The following NARS2 variants were observed in gnomAD, a reference collection of about 807,000 sequenced individuals.
NARS2 encodes the protein asparaginyl-tRNA synthetase.
In NARS2, 60 loss-of-function variants were observed where a neutral mutation model predicts 62.9. That is an observed-to-expected ratio of 0.95 (90% CI 0.77 to 1.18). The LOEUF (loss-of-function observed/expected upper bound fraction) is 1.18, where lower values mean the gene tolerates loss of function less well. NARS2 is among the 50% of genes most tolerant of loss of function. The pLI is 0.00. For synonymous variants in NARS2, 196 were observed against 200.0 expected (o/e 0.98, Z 0.17); for missense variants, 619 against 576.4 (o/e 1.07, Z -0.76).
rs1363650527 is a variant in NARS2 at position 78,574,786 on chromosome 11, C to G, written c.-298G>C. ...CCCACTACCCGCGACAATTGTAAAC[C>G]TACGAACAGAACCCGGGCCGCAACA... On this transcript the variant is annotated 5_prime_UTR_variant, in exon 1 of 14. Transcript: ENST00000281038. The G allele has an allele frequency of 2.7e-6, 1 of 374,778 alleles. No homozygotes were observed. The highest frequency in any genetic ancestry group is 4.9e-6 in the Non-Finnish European group (1 of 206,074). 23.2% of individuals were successfully genotyped at this position (374,778 alleles called of 1,614,324 possible).
intron 6 of NARS2, among the ~76,000 whole-genome samples, chr11:78,503,284 C>A (rs1184778219): frequency 6.6e-6 from 1 of 152,192 alleles, no homozygotes; most frequent in Non-Finnish European, 1.5e-5. Flanking sequence ...TTCACCCAGA[C>A]TGGAGTGCAG....
intron 7 of NARS2, among the ~76,000 whole-genome samples, chr11:78,490,996 A>G (rs1050743214): frequency 2.0e-5 from 3 of 152,190 alleles, no homozygotes; most frequent in Non-Finnish European, 4.4e-5. Context: ...AAAATAAACG[A>G]TATCTTGCAA....
At chr11:78,471,597 A>ATATG (rs1858877912) in intron 9 of NARS2, among the ~76,000 whole-genome samples, 1 of 151,588 alleles carries the variant, frequency 6.6e-6, no homozygotes, top group African/African-American at 2.4e-5. Context: ...GGTTAGTTAC[A>ATATG]TATGTATACA....
At chr11:78,480,137 C>A (rs1859283519) in intron 7 of NARS2, among the ~76,000 whole-genome samples, 1 of 152,110 alleles carries the variant, frequency 6.6e-6, no homozygotes, top group Non-Finnish European at 1.5e-5. Flanking sequence ...TAAGCTCAAG[C>A]GATCCTCCCT....
Position 78,466,001 on chromosome 11 carries a change from G to A in NARS2, c.1039C>T (p.Leu347=). 1 of 1,607,194 alleles carries A rather than the reference G, an allele frequency of 6.2e-7. No individual in the cohort carries two copies. Among genetic ancestry groups the A allele is most frequent in the Non-Finnish European group, 8.5e-7 (1 of 1,177,228 alleles). ...AGGTACTTTTCATGTTCAGTCCGTA[G>A]GTCAGCACCCCACTGTAATGAGAAG... ...FTFTPEWGAD[L]RTEHEKYLVK... Residue 347 remains leucine, a synonymous_variant, in exon 11 of 14, where the codon CTA becomes TTA. Transcript: ENST00000281038.
intron 4 of NARS2, among the ~76,000 whole-genome samples, chr11:78,561,319 A>G (rs1856549388): frequency 6.6e-6 from 1 of 152,232 alleles, no homozygotes; most frequent in Admixed American, 6.5e-5. Flanking sequence ...GAGTAAAAAG[A>G]ATAAAAGGAA....
At chr11:78,554,508 C>CATGTGTGTGTGTGTGTGT (rs1555041423) in intron 5 of NARS2, among the ~76,000 whole-genome samples, 10 of 147,016 alleles carry the variant, frequency 6.8e-5, no homozygotes, top group African/African-American at 2.3e-4. Flanking sequence ...GGCGTGTGTG[C>CATGTGTGTGTGTGTGTGT]GTGTGTGTGT....
chr11:78,566,377 T>C (rs745634573), intron 3 of NARS2, 105 bp from the exon 4 acceptor site: 195 of 858,306 alleles, frequency 2.3e-4, no homozygotes, highest in South Asian at 6.3e-4. Flanking sequence ...CAAACTAAGA[T>C]CCTTTCCTTC....
intron 6 of NARS2, among the ~76,000 whole-genome samples, chr11:78,501,306 T>C (rs1482352395): frequency 6.6e-6 from 1 of 152,198 alleles, no homozygotes. Context: ...TGTTGCACTA[T>C]CACATGCCAT....
At chr11:78,541,332 A>G (rs926997797) in intron 5 of NARS2, among the ~76,000 whole-genome samples, 1 of 147,260 alleles carries the variant, frequency 6.8e-6, no homozygotes, top group Admixed American at 6.7e-5. Context: ...AAGTCATGTC[A>G]CTTTTTTTTT....
rs118122555 is a variant in NARS2 at position 78,457,783 on chromosome 11, T to C, written c.1164+8093A>G. Among the ~76,000 whole-genome samples, 844 of 146,834 alleles carry C rather than the reference T, an allele frequency of 5.7e-3. 1 individual carries two copies. The highest frequency in any genetic ancestry group is 9.6e-3 in the Non-Finnish European group (647 of 67,620). On this transcript the variant is annotated intron_variant, in intron 11 of 13. Transcript: ENST00000281038. ...GAGAACTACCTTTTAAGGAATCTTA[T>C]GTTATTATGTAACAACACACACACA...
At chr11:78,552,646 T>A (rs1856170281) in intron 5 of NARS2, among the ~76,000 whole-genome samples, 1 of 152,184 alleles carries the variant, frequency 6.6e-6, no homozygotes, top group African/African-American at 2.4e-5. Flanking sequence ...AGAAACTCAG[T>A]AAGAATGCAA....
At chr11:78,482,967 G>T (rs561837814) in intron 7 of NARS2, among the ~76,000 whole-genome samples, 16 of 152,274 alleles carry the variant, frequency 1.1e-4, no homozygotes, top group African/African-American at 3.6e-4. Flanking sequence ...TATCCCTGAT[G>T]AACATCAATA....
intron 3 of NARS2, among the ~76,000 whole-genome samples, chr11:78,568,401 G>C (rs1167361140): frequency 6.6e-6 from 1 of 152,122 alleles, no homozygotes; most frequent in Non-Finnish European, 1.5e-5. Context: ...AAAGCAGCAA[G>C]TTTTAACTGT....
chr11:78,489,861 C>T (rs1305633631), intron 7 of NARS2, among the ~76,000 whole-genome samples: 4 of 151,846 alleles, frequency 2.6e-5, no homozygotes, highest in Admixed American at 1.3e-4. Context: ...TTGAGACCAG[C>T]GTGGGTAACA....
chr11:78,474,804 T>G (rs183595495), intron 9 of NARS2, among the ~76,000 whole-genome samples: 23 of 152,314 alleles, frequency 1.5e-4, no homozygotes, highest in Admixed American at 1.5e-3. Flanking sequence ...GAATTTTTAA[T>G]TGACAAATAT....
chr11:78,501,282 A>G (rs975918320), intron 6 of NARS2, among the ~76,000 whole-genome samples: 1 of 152,226 alleles, frequency 6.6e-6, no homozygotes, highest in African/African-American at 2.4e-5. Flanking sequence ...TCATACCTAC[A>G]TTTGCATTCA....
rs545173404 is a variant in NARS2 at position 78,487,355 on chromosome 11, A to T, written c.822+5708T>A. Reference sequence around the variant, plus strand: ...TGGGCAACAGAGTGAGGCTCTGTCTAAAAAAAAAAAAAAAAGAAAGAAAGA... The same window carrying T: ...TGGGCAACAGAGTGAGGCTCTGTCTTAAAAAAAAAAAAAAAGAAAGAAAGA... On this transcript the variant is annotated intron_variant, in intron 7 of 13. Coordinates refer to ENST00000281038, the MANE Select transcript of NARS2 (RefSeq NM_024678.6). Among the ~76,000 whole-genome samples, 8 of 105,162 alleles carry T rather than the reference A, an allele frequency of 7.6e-5. No individual in the cohort carries two copies. In the East Asian group the frequency reaches 1.3e-3, roughly 18 times the overall value. 69.0% of individuals were successfully genotyped at this position (105,162 alleles called of 152,430 possible).
chr11:78,467,974 G>C (rs1858692773), intron 10 of NARS2, among the ~76,000 whole-genome samples: 1 of 148,428 alleles, frequency 6.7e-6, no homozygotes, highest in South Asian at 2.1e-4. Context: ...CTCTTAAAGT[G>C]TTGGGATTAC....
Sources: gnomAD v4.1 joint callset for allele counts (sites outside exome capture counted in the v4.1 genomes callset) on GRCh38, gnomAD v4.1.1 for gene constraint, MANE v1.5 for transcripts, NCBI Gene and HGNC (gene_info 2026-07-23, HGNC 2026-07-21) for gene names.